Variants in NTM observed in about 807,000 individuals in gnomAD.
NTM encodes the protein IgLON family member 2.
Under a neutral mutation model 42.1 loss-of-function variants are expected in NTM, and 13 were observed. The ratio of observed to expected loss-of-function variants is 0.31; its 90% CI spans 0.20 to 0.49. NTM has a LOEUF of 0.49. NTM is among the 20% of genes least tolerant of loss of function. The pLI is 0.99. For synonymous variants in NTM, 187 were observed against 179.2 expected, an observed-to-expected ratio of 1.04 and a Z score of -0.35; for missense variants, 373 against 452.8, an observed-to-expected ratio of 0.82 and a Z score of 1.60.
chr11:131,552,195 A>G (rs1017640433), intron 1 of NTM, among the ~76,000 whole-genome samples: 1 of 152,156 alleles, frequency 6.6e-6, no homozygotes, highest in African/African-American at 2.4e-5. Context: ...AGAGAGAGAG[A>G]GGAAGAGAGA....
intron 3 of NTM, among the ~76,000 whole-genome samples, chr11:132,195,997 C>G: frequency 6.6e-6 from 1 of 152,146 alleles, no homozygotes; most frequent in East Asian, 1.9e-4. Flanking sequence ...AAACTGTCAA[C>G]AGAGTAAACC....
At chr11:132,261,037 G>A (rs897158707) in intron 4 of NTM, among the ~76,000 whole-genome samples, 7 of 152,314 alleles carry the variant, frequency 4.6e-5, no homozygotes, top group Middle Eastern at 3.4e-3. Context: ...GCTGGTTCTC[G>A]TTTTAGCTGC....
At chr11:132,001,640 G>A (rs936469187) in intron 2 of NTM, among the ~76,000 whole-genome samples, 11 of 152,238 alleles carry the variant, frequency 7.2e-5, no homozygotes, top group South Asian at 2.1e-4. Context: ...AGGACAGCCC[G>A]AAGCTCTGAG....
intron 3 of NTM, among the ~76,000 whole-genome samples, chr11:132,187,278 G>GA (rs1265492481): frequency 1.3e-5 from 2 of 151,170 alleles, no homozygotes; most frequent in Non-Finnish European, 2.9e-5. Context: ...TGAATGCCCT[G>GA]AAAAAACAAG....
rs529936216 is a variant in NTM at position 132,247,623 on chromosome 11, C to T, written c.526+35476C>T. On this transcript the variant is annotated intron_variant, in intron 4 of 8. Transcript: ENST00000683400. ...TGGAGATTCAGAAGGAAAATATCAT[C>T]AAAAGGAAGTATGGCCAGGGTCTTC... is the stretch of plus-strand genomic sequence containing the variant. Among the ~76,000 whole-genome samples, 4 of 152,200 alleles carry T rather than the reference C, an allele frequency of 2.6e-5. No individual in the cohort carries two copies. In the South Asian group the frequency reaches 8.3e-4, roughly 32 times the overall value.
intron 1 of NTM, among the ~76,000 whole-genome samples, chr11:131,874,229 G>A (rs1272368271): frequency 2.0e-5 from 3 of 150,890 alleles, no homozygotes; most frequent in Admixed American, 1.3e-4. Flanking sequence ...CACACAAATG[G>A]GATGAGTCAT....
At position 131,459,942 on chromosome 11, in the gene NTM, T is replaced by A. The variant is rs185057487; in HGVS notation, c.82+89054T>A. On this transcript the variant is annotated intron_variant, in intron 1 of 8. Transcript: ENST00000683400. ...AAGTGGGCCAGGTTTTGTATTTTTT[T>A]AAAAAAATAAAACAATTGTCTCAAA... Among the ~76,000 whole-genome samples the A allele has an allele frequency of 6.9e-3, 1,050 of 152,134 alleles. 4 individuals carry two copies. Among genetic ancestry groups the A allele is most frequent in the Middle Eastern group, 0.031 (9 of 294 alleles).
chr11:131,611,023 G>A (rs1386398298), intron 1 of NTM, among the ~76,000 whole-genome samples: 2 of 152,160 alleles, frequency 1.3e-5, no homozygotes, highest in Non-Finnish European at 2.9e-5. Flanking sequence ...AATGGGATGG[G>A]AGCTGAGGGG....
intron 2 of NTM, among the ~76,000 whole-genome samples, chr11:132,142,476 T>A (rs754137401): frequency 2.6e-5 from 4 of 152,176 alleles, no homozygotes; most frequent in Admixed American, 6.5e-5. Context: ...GAGAGAGCAA[T>A]TATGCTCATT....
intron 2 of NTM, among the ~76,000 whole-genome samples, chr11:132,115,573 AGAG>A (rs1357739741): frequency 6.6e-6 from 1 of 152,184 alleles, no homozygotes; most frequent in African/African-American, 2.4e-5. Context: ...AATTTGGGAA[AGAG>A]GAGATGACTC....
intron 1 of NTM, among the ~76,000 whole-genome samples, chr11:131,711,341 A>G: frequency 6.6e-6 from 1 of 152,228 alleles, no homozygotes; most frequent in East Asian, 1.9e-4. Context: ...GACACTTCTC[A>G]AAAGAAGACA....
intron 7 of NTM, 49 bp downstream of exon 7, chr11:132,314,752 C>G (rs553586836): frequency 7.1e-6 from 11 of 1,554,370 alleles, no homozygotes; most frequent in African/African-American, 4.1e-5. Context: ...GGGTGCAGAA[C>G]GGGAGAGCTG....
intron 1 of NTM, among the ~76,000 whole-genome samples, chr11:131,805,919 G>A (rs969841159): frequency 3.3e-5 from 5 of 152,150 alleles, no homozygotes; most frequent in Non-Finnish European, 1.5e-5. Flanking sequence ...TAAACATGAT[G>A]TTTATGGTCA....
chr11:131,754,650 C>T (rs1386245298), intron 1 of NTM, among the ~76,000 whole-genome samples: 2 of 151,070 alleles, frequency 1.3e-5, no homozygotes, highest in East Asian at 3.9e-4. Context: ...GCTAAACACA[C>T]AACTACCATA....
intron 4 of NTM, among the ~76,000 whole-genome samples, chr11:132,239,266 A>T (rs1340179799): frequency 6.6e-6 from 1 of 152,232 alleles, no homozygotes; most frequent in African/African-American, 2.4e-5. Flanking sequence ...TTTTCTGTAA[A>T]GAGAAATAAA....
chr11:131,744,583 T>C (rs1391743753), intron 1 of NTM, among the ~76,000 whole-genome samples: 1 of 152,154 alleles, frequency 6.6e-6, no homozygotes, highest in Non-Finnish European at 1.5e-5. Flanking sequence ...AGAAGAAGTC[T>C]ATTAAGGAAT....
chr11:131,740,901 C>T (rs2081094990), intron 1 of NTM, among the ~76,000 whole-genome samples: 2 of 152,200 alleles, frequency 1.3e-5, no homozygotes, highest in African/African-American at 4.8e-5. Context: ...GGCATGGTGG[C>T]TCACGCCTGT....
intron 2 of NTM, among the ~76,000 whole-genome samples, chr11:132,124,975 G>A (rs1357933661): frequency 6.6e-6 from 1 of 152,170 alleles, no homozygotes; most frequent in Admixed American, 6.5e-5. Context: ...TTCAGCCTGG[G>A]TGCCAGCATG....
chr11:131,719,796 C>A (rs963076341), intron 1 of NTM, among the ~76,000 whole-genome samples: 2 of 152,212 alleles, frequency 1.3e-5, no homozygotes, highest in African/African-American at 4.8e-5. Flanking sequence ...CTGGGAAATT[C>A]ACTCTCCAGG....
Sources: allele counts gnomAD v4.1 joint callset (sites outside exome capture counted in the v4.1 genomes callset), GRCh38; gene constraint gnomAD v4.1.1; transcripts MANE v1.5; gene names NCBI Gene and HGNC (gene_info 2026-07-23, HGNC 2026-07-21).